The following BTBD9 variants were observed in gnomAD, a reference collection of about 807,000 sequenced individuals.
The protein encoded by BTBD9 is BTB/POZ domain-containing protein 9.
In BTBD9, 49 loss-of-function variants were observed where a neutral mutation model predicts 64.3. That is an observed-to-expected ratio of 0.76 (90% confidence interval 0.61 to 0.97). BTBD9 has a LOEUF of 0.97. BTBD9 is among the 50% of genes least tolerant of loss of function. The probability of loss-of-function intolerance (pLI) is 0.00; values close to 1 mark genes in which losing one functional copy is unlikely to be tolerated. For missense variants in BTBD9, 598 were observed against 762.1 expected (o/e 0.78, Z 2.53); for synonymous variants, 260 against 274.7 (o/e 0.95, Z 0.53).
rs1186610509 is a variant in BTBD9, at chr6:38,334,595, CAT to C, written c.1264+10387_1264+10388del. 2.0e-3 allele frequency among the ~76,000 whole-genome samples: 279 copies of C among 142,364 alleles called. 1 individual carries two copies. Among genetic ancestry groups the C allele is most frequent in the African/African-American group, 7.9e-3 (269 of 34,002 alleles). 93.4% of individuals were successfully genotyped at this position (142,364 alleles called of 152,430 possible). ...AAAATAATAACATAACATAACATAA[CAT>C]AACATAACATAACATAACATAACAT... On this transcript the variant is annotated intron_variant, in intron 7 of 10. Coordinates refer to ENST00000481247, the MANE Select transcript of BTBD9 (RefSeq NM_001099272.2).
At chr6:38,423,902 C>T (rs556351565) in intron 6 of BTBD9, among the ~76,000 whole-genome samples, 4 of 151,784 alleles carry the variant, frequency 2.6e-5, no homozygotes, top group East Asian at 3.9e-4. Context: ...CGACAGGGCC[C>T]GTGCCATGTT....
At chr6:38,368,191 G>A (rs1177942702) in intron 6 of BTBD9, among the ~76,000 whole-genome samples, 1 of 152,124 alleles carries the variant, frequency 6.6e-6, no homozygotes, top group African/African-American at 2.4e-5. Flanking sequence ...CAGATATACT[G>A]TATATCTGCT....
chr6:38,457,977 T>C (rs1026119367), intron 6 of BTBD9, among the ~76,000 whole-genome samples: 1 of 152,182 alleles, frequency 6.6e-6, no homozygotes, highest in African/African-American at 2.4e-5. Flanking sequence ...GATGATATCA[T>C]CATGTATGTG....
intron 7 of BTBD9, among the ~76,000 whole-genome samples, chr6:38,332,196 T>A (rs772637288): frequency 2.6e-5 from 4 of 152,216 alleles, no homozygotes; most frequent in Non-Finnish European, 5.9e-5. Context: ...TTGAATTCTG[T>A]TTATGGTTTC....
intron 7 of BTBD9, among the ~76,000 whole-genome samples, chr6:38,319,967 G>T (rs757014284): frequency 6.6e-6 from 1 of 152,122 alleles, no homozygotes; most frequent in African/African-American, 2.4e-5. Flanking sequence ...CTCAAGTTCC[G>T]ACTGCTGGGA....
intron 6 of BTBD9, among the ~76,000 whole-genome samples, chr6:38,478,800 T>C (rs946183183): frequency 6.6e-6 from 1 of 152,230 alleles, no homozygotes; most frequent in African/African-American, 2.4e-5. Flanking sequence ...CTGGAAATTA[T>C]AAGCGAGGCT....
intron 7 of BTBD9, among the ~76,000 whole-genome samples, chr6:38,300,894 A>G (rs541323020): frequency 6.6e-6 from 1 of 152,272 alleles, no homozygotes; most frequent in Non-Finnish European, 1.5e-5. Flanking sequence ...TTCCAACACT[A>G]TGTTGAATAG....
At chr6:38,379,043 T>G (rs1234331691) in intron 6 of BTBD9, among the ~76,000 whole-genome samples, 2 of 152,028 alleles carry the variant, frequency 1.3e-5, no homozygotes, top group East Asian at 3.9e-4. Context: ...TACAGCAAAT[T>G]AATAATTTTC....
chr6:38,634,131 G>A (rs1778450712), intron 1 of BTBD9, among the ~76,000 whole-genome samples: 1 of 152,218 alleles, frequency 6.6e-6, no homozygotes, highest in Non-Finnish European at 1.5e-5. Flanking sequence ...AGAATAGTGA[G>A]TAGCTAAGCT....
rs186728683 is a variant in BTBD9, at chr6:38,445,222, T to C, written c.1155-100129A>G. On this transcript the variant is annotated intron_variant, in intron 6 of 10. Coordinates refer to ENST00000481247, the MANE Select transcript of BTBD9 (RefSeq NM_001099272.2). ...AAATATGGCACTAAGATTTTTAGAG[T>C]GGTCTATAACTACAGTATAACCTAG... Among the ~76,000 whole-genome samples the C allele has an allele frequency of 1.1e-3, 174 of 152,316 alleles. 2 individuals carry two copies. Among genetic ancestry groups the C allele is most frequent in the African/African-American group, 4.1e-3 (170 of 41,564 alleles).
chr6:38,251,350 C>T (rs796497866), intron 9 of BTBD9, among the ~76,000 whole-genome samples: 2 of 150,536 alleles, frequency 1.3e-5, no homozygotes, highest in Admixed American at 6.6e-5. Flanking sequence ...CTGCAACCTC[C>T]GCCTCCCGGG....
intron 6 of BTBD9, among the ~76,000 whole-genome samples, chr6:38,506,361 C>G (rs991897278): frequency 6.6e-6 from 1 of 152,198 alleles, no homozygotes; most frequent in Admixed American, 6.5e-5. Flanking sequence ...TAACACAAAG[C>G]TTGATCCATA....
intron 6 of BTBD9, among the ~76,000 whole-genome samples, chr6:38,406,527 T>A (rs1767172493): frequency 6.6e-6 from 1 of 152,190 alleles, no homozygotes; most frequent in Non-Finnish European, 1.5e-5. Context: ...GCATTCCCAA[T>A]TCCCAGTGGT....
chr6:38,562,772 T>A (rs1775313694), intron 6 of BTBD9, among the ~76,000 whole-genome samples: 1 of 152,224 alleles, frequency 6.6e-6, no homozygotes, highest in Non-Finnish European at 1.5e-5. Flanking sequence ...TTTGAAGCTA[T>A]AAGCAATGCT....
intron 9 of BTBD9, among the ~76,000 whole-genome samples, chr6:38,251,437 G>C (rs1289759499): frequency 6.6e-6 from 1 of 151,692 alleles, no homozygotes; most frequent in African/African-American, 2.4e-5. Flanking sequence ...GCTAATTTTT[G>C]TATTTTTAGT....
intron 6 of BTBD9, among the ~76,000 whole-genome samples, chr6:38,550,520 G>A (rs1040209114): frequency 2.6e-5 from 4 of 151,958 alleles, no homozygotes; most frequent in Non-Finnish European, 4.4e-5. Context: ...GTTTCACTGT[G>A]TTAGCCAGGA....
At chr6:38,378,897 A>C (rs1344634917) in intron 6 of BTBD9, among the ~76,000 whole-genome samples, 2 of 151,544 alleles carry the variant, frequency 1.3e-5, no homozygotes, top group Admixed American at 6.6e-5. Context: ...AAGAAAAAAA[A>C]GGGGAGGCAA....
intron 6 of BTBD9, among the ~76,000 whole-genome samples, chr6:38,430,826 T>G (rs1048077513): frequency 6.6e-6 from 1 of 151,978 alleles, no homozygotes; most frequent in African/African-American, 2.4e-5. Flanking sequence ...TTCATTCCCA[T>G]CACTCCACTG....
chr6:38,427,064 G>A (rs1768194485), intron 6 of BTBD9, among the ~76,000 whole-genome samples: 1 of 151,496 alleles, frequency 6.6e-6, no homozygotes, highest in Non-Finnish European at 1.5e-5. Context: ...GCCCTCCACA[G>A]CACCCTGATA....
Sources: allele counts gnomAD v4.1 joint callset (sites outside exome capture counted in the v4.1 genomes callset), GRCh38; gene constraint gnomAD v4.1.1; transcripts MANE v1.5; gene names NCBI Gene and HGNC (gene_info 2026-07-23, HGNC 2026-07-21).